Variants in SGCZ observed in about 807,000 individuals in gnomAD.
SGCZ encodes zeta-sarcoglycan.
In SGCZ, 40 loss-of-function variants were observed where a neutral mutation model predicts 41.3. The observed-to-expected ratio is 0.97, with a 90% CI of 0.75 to 1.26. SGCZ has a LOEUF of 1.26. Ranked by LOEUF, SGCZ falls within the 50% of genes most tolerant of loss-of-function variation. SGCZ has a pLI of 0.00. For synonymous variants in SGCZ, 206 were observed against 137.5 expected, an observed-to-expected ratio of 1.50 and a Z score of -3.49; for missense variants, 552 against 369.8, an observed-to-expected ratio of 1.49 and a Z score of -4.04.
chr8:14,976,009 T>C (rs1216094792), intron 1 of SGCZ, among the ~76,000 whole-genome samples: 2 of 146,868 alleles, frequency 1.4e-5, no homozygotes. Flanking sequence ...TACATATATA[T>C]ATATATACAC....
At position 14,115,795 on chromosome 8, in the gene SGCZ, TG is replaced by T. The variant is rs1359758493; in HGVS notation, c.548-7561del. Among the ~76,000 whole-genome samples the T allele has an allele frequency of 5.9e-5, 9 of 151,584 alleles. No individual in the cohort carries two copies. The East Asian group carries it at 7.8e-4, about 13-fold the overall frequency. ...GTTACACCATAAACTGAGGTTTCTTTGGGGGGTGGGGGTGGAAATTAGTAAA... is the reference window on the plus strand; with the variant it reads ...GTTACACCATAAACTGAGGTTTCTTTGGGGGTGGGGGTGGAAATTAGTAAA... On this transcript the variant is annotated intron_variant, in intron 5 of 7. Coordinates refer to ENST00000382080, the MANE Select transcript of SGCZ (RefSeq NM_139167.4).
rs1014845012 is a variant in SGCZ at position 14,086,721 on chromosome 8, T to C, written c.*3722A>G. Among the ~76,000 whole-genome samples the C allele has an allele frequency of 5.9e-5, 9 of 151,734 alleles. No individual in the cohort carries two copies. The highest frequency in any genetic ancestry group is 1.0e-4 in the Non-Finnish European group (7 of 67,684). On this transcript the variant is annotated 3_prime_UTR_variant, in exon 8 of 8. Coordinates refer to ENST00000382080, the MANE Select transcript of SGCZ (RefSeq NM_139167.4). Reference sequence around the variant, plus strand: ...TTCCAAAGGAACCTTAATGTTCAAATGTTAAGAGTGTAAAAGGGAGTATAA... The same window carrying C: ...TTCCAAAGGAACCTTAATGTTCAAACGTTAAGAGTGTAAAAGGGAGTATAA...
chr8:14,645,483 T>TATATATATATATATATATA (rs1563175671), intron 1 of SGCZ, among the ~76,000 whole-genome samples: 1 of 106,060 alleles, frequency 9.4e-6, no homozygotes, highest in East Asian at 2.7e-4. Context: ...TATATTTATA[T>TATATATATATATATATATA]GTATATATAT....
intron 1 of SGCZ, among the ~76,000 whole-genome samples, chr8:15,182,572 G>T (rs917090058): frequency 5.3e-5 from 8 of 152,066 alleles, no homozygotes; most frequent in Admixed American, 2.6e-4. Flanking sequence ...CAGCATAAAA[G>T]ATTTTTTTAA....
At chr8:14,446,177 T>C (rs1800427783) in intron 2 of SGCZ, among the ~76,000 whole-genome samples, 1 of 152,120 alleles carries the variant, frequency 6.6e-6, no homozygotes, top group Admixed American at 6.5e-5. Flanking sequence ...AACTGAATCT[T>C]CAGCAAGCCC....
chr8:14,210,480 T>A (rs1585235068), intron 4 of SGCZ, among the ~76,000 whole-genome samples: 3 of 129,156 alleles, frequency 2.3e-5, no homozygotes, highest in African/African-American at 9.1e-5. Flanking sequence ...TTTTTTTTTT[T>A]AAACAGAGTT....
At chr8:15,014,579 G>T (rs2130931780) in intron 1 of SGCZ, among the ~76,000 whole-genome samples, 1 of 152,222 alleles carries the variant, frequency 6.6e-6, no homozygotes. Context: ...TGAGGCTCTG[G>T]TCATCAGCTG....
At chr8:14,541,387 T>C (rs1363521798) in intron 2 of SGCZ, among the ~76,000 whole-genome samples, 1 of 151,930 alleles carries the variant, frequency 6.6e-6, no homozygotes, top group Non-Finnish European at 1.5e-5. Context: ...AGTGAGAACA[T>C]GAGGGGTTTG....
chr8:14,716,488 G>A (rs1191871996), intron 1 of SGCZ, among the ~76,000 whole-genome samples: 2 of 152,128 alleles, frequency 1.3e-5, no homozygotes, highest in African/African-American at 2.4e-5. Context: ...CTGCAAAACC[G>A]AGTTTTGTTT....
chr8:14,423,828 C>T (rs1204830536), intron 2 of SGCZ, among the ~76,000 whole-genome samples: 2 of 152,152 alleles, frequency 1.3e-5, no homozygotes, highest in South Asian at 2.1e-4. Flanking sequence ...TTTACTTTCT[C>T]TCTCATTTTT....
At chr8:14,208,995 G>A (rs1805707940) in intron 4 of SGCZ, among the ~76,000 whole-genome samples, 1 of 152,176 alleles carries the variant, frequency 6.6e-6, no homozygotes, top group Non-Finnish European at 1.5e-5. Context: ...AAGCTCTCTT[G>A]GGTGAATGCT....
At chr8:14,921,915 T>A (rs948839582) in intron 1 of SGCZ, among the ~76,000 whole-genome samples, 20 of 152,184 alleles carry the variant, frequency 1.3e-4, no homozygotes, top group African/African-American at 4.8e-4. Flanking sequence ...GATTTTTACA[T>A]ACCAAGCAAC....
chr8:14,875,434 T>G (rs148961353), intron 1 of SGCZ, among the ~76,000 whole-genome samples: 102 of 152,212 alleles, frequency 6.7e-4, no homozygotes, highest in African/African-American at 2.5e-3. Context: ...GCAGAAGGAT[T>G]CAATGGGAGG....
At chr8:14,249,510 A>G (rs926653967) in intron 3 of SGCZ, among the ~76,000 whole-genome samples, 3 of 152,202 alleles carry the variant, frequency 2.0e-5, no homozygotes, top group African/African-American at 4.8e-5. Context: ...ACATGCATGA[A>G]TGCTAAGCAA....
At chr8:15,109,251 T>A (rs75757219) in intron 1 of SGCZ, among the ~76,000 whole-genome samples, 219 of 152,280 alleles carry the variant, frequency 1.4e-3, no homozygotes, top group African/African-American at 4.9e-3. Flanking sequence ...AGGAGCCCAA[T>A]GTTTTTAGAA....
intron 4 of SGCZ, among the ~76,000 whole-genome samples, chr8:14,190,494 G>C (rs6530729): frequency 0.75 from 114,316 of 151,982 alleles, 44,013 homozygotes; most frequent in African/African-American, 0.91. Context: ...GTGAATACTG[G>C]TGCAATGGAC....
intron 2 of SGCZ, among the ~76,000 whole-genome samples, chr8:14,350,403 G>C (rs977354484): frequency 1.3e-5 from 2 of 151,980 alleles, no homozygotes; most frequent in East Asian, 3.9e-4. Context: ...GAGTTGTATT[G>C]AATACTATGG....
intron 5 of SGCZ, among the ~76,000 whole-genome samples, chr8:14,132,630 C>T (rs761181800): frequency 6.6e-6 from 1 of 152,068 alleles, no homozygotes; most frequent in South Asian, 2.1e-4. Context: ...TATTTTAAAT[C>T]GCTATTTTAA....
intron 3 of SGCZ, among the ~76,000 whole-genome samples, chr8:14,318,934 A>G (rs1365032973): frequency 7.2e-6 from 1 of 139,006 alleles, no homozygotes; most frequent in African/African-American, 2.8e-5. Context: ...GAGATTCACT[A>G]TTATACAAAA....
Sources: gnomAD v4.1 joint callset for allele counts (sites outside exome capture counted in the v4.1 genomes callset) on GRCh38, gnomAD v4.1.1 for gene constraint, MANE v1.5 for transcripts, NCBI Gene and HGNC (gene_info 2026-07-23, HGNC 2026-07-21) for gene names.